Variants in NARF observed in about 807,000 individuals in gnomAD.
The protein encoded by NARF is nuclear prelamin A recognition factor.
A neutral mutation model predicts 48.0 loss-of-function variants in NARF; 41 were observed. That is an observed-to-expected ratio of 0.85 (90% CI 0.66 to 1.11). NARF has a LOEUF of 1.11. Ranked by LOEUF, NARF falls within the 50% of genes least tolerant of loss-of-function variation. The pLI is 0.00. For missense variants in NARF, 613 were observed against 590.2 expected (o/e 1.04, Z -0.40); for synonymous variants, 215 against 225.5 (o/e 0.95, Z 0.42).
At chr17:82,486,073 T>C (rs2044089071) in intron 10 of NARF, among the ~76,000 whole-genome samples, 1 of 152,018 alleles carries the variant, frequency 6.6e-6, no homozygotes, top group South Asian at 2.1e-4. Context: ...CGGGAAGGGG[T>C]GTGACCCAGC....
chr17:82,481,123 T>G lies in NARF; in HGVS notation c.681T>G (p.Pro227=), dbSNP rs1599848983. Residue 227 remains proline (P), a synonymous_variant, in exon 7 of 11, where the codon CCT becomes CCG. Transcript: ENST00000309794. ...AGATTTTCCACGTCATTGTGGCCCCTTGTTATGACAAGAAGCTGGAGGCTC... is the reference window on the plus strand; with the variant it reads ...AGATTTTCCACGTCATTGTGGCCCCGTGTTATGACAAGAAGCTGGAGGCTC... ...PEKIFHVIVA[P]CYDKKLEALQ... The G allele has an allele frequency of 6.2e-7, 1 of 1,614,078 alleles. No homozygotes were observed. The highest frequency in any genetic ancestry group is 8.5e-7 in the Non-Finnish European group (1 of 1,179,996).
chr17:82,466,910 C>T (rs531359302), intron 3 of NARF, among the ~76,000 whole-genome samples: 2 of 152,098 alleles, frequency 1.3e-5, no homozygotes, highest in South Asian at 4.2e-4. Flanking sequence ...CCAGGCTGGT[C>T]TTGAATTCCT....
At chr17:82,476,323 G>T (rs1599841505) in intron 5 of NARF, among the ~76,000 whole-genome samples, 1 of 151,946 alleles carries the variant, frequency 6.6e-6, no homozygotes, top group East Asian at 2.0e-4. Flanking sequence ...TGTATTTTTA[G>T]TAGAGACGGG....
Position 82,480,642 on chromosome 17 carries a change from G to A in NARF, c.640-440G>A, listed in dbSNP as rs1299598636. 7.1e-6 allele frequency: 3 copies of A among 424,736 alleles called. No individual in the cohort carries two copies. In the East Asian group the frequency reaches 1.0e-4, roughly 15 times the overall value. 26.3% of individuals were successfully genotyped at this position (424,736 alleles called of 1,614,324 possible). On this transcript the variant is annotated intron_variant, in intron 6 of 10. Transcript: ENST00000309794. ...ACAACAGTCCCAGCCCCAAGAAAGT[G>A]CTGCATGCAGCCAGGCTCGATGGCT...
chr17:82,480,750 G>T (rs188257182), intron 6 of NARF: 3 of 477,834 alleles, frequency 6.3e-6, no homozygotes, highest in African/African-American at 5.9e-5. Flanking sequence ...TGGGCAACAC[G>T]GTGAAACCCC....
intron 7 of NARF, 47 bp from the exon 8 acceptor site, chr17:82,483,669 C>T (rs2044025320): frequency 3.1e-6 from 5 of 1,590,260 alleles, no homozygotes; most frequent in Non-Finnish European, 4.3e-6. Flanking sequence ...AGAAAAGTTC[C>T]TGTGGCCACC....
At position 82,465,074 on chromosome 17, in the gene NARF, C is replaced by T. The variant is rs1054717364; in HGVS notation, c.252+644C>T. 3.3e-5 allele frequency among the ~76,000 whole-genome samples: 5 copies of T among 152,292 alleles called. No homozygotes were observed. In the East Asian group the frequency reaches 5.8e-4, roughly 18 times the overall value. ...ACATGGCTGGGGAGGCCTCAGGGAA[C>T]AACCATGGCGGAAGGGTGAAGGGGA... On this transcript the variant is annotated intron_variant, in intron 3 of 10. Transcript: ENST00000309794.
chr17:82,488,609 C>G lies in NARF; in HGVS notation c.*452C>G, dbSNP rs921263330. 1 of 162,140 alleles carries G rather than the reference C, an allele frequency of 6.2e-6. No individual in the cohort carries two copies. Among genetic ancestry groups the G allele is most frequent in the South Asian group, 1.6e-4 (1 of 6,276 alleles). 10.0% of individuals were successfully genotyped at this position (162,140 alleles called of 1,614,324 possible). A position where few individuals can be genotyped will look rare whatever the true frequency, so the allele number is the denominator to read the frequency against. On this transcript the variant is annotated 3_prime_UTR_variant, in exon 11 of 11. Transcript: ENST00000309794. The stretch of plus-strand genomic sequence containing the variant: ...AGGCTGGTATTGAATTCCTGACCTC[C>G]TGATCCACCCGCCTTGGCCTCCCAA...
intron 1 of NARF, 28 bp downstream of exon 1, chr17:82,458,858 C>A: frequency 7.2e-7 from 1 of 1,389,730 alleles, no homozygotes; most frequent in Non-Finnish European, 9.3e-7. Context: ...GGGAGGCGCG[C>A]GCCTGGTGCT....
intron 10 of NARF, 141 bp from the exon 11 acceptor site, chr17:82,487,772 ACCC>A: frequency 2.3e-6 from 1 of 428,172 alleles, no homozygotes; most frequent in Non-Finnish European, 4.4e-6. Context: ...ACATAGCAAC[ACCC>A]GCCCCTCCCG....
intron 3 of NARF, among the ~76,000 whole-genome samples, chr17:82,466,899 G>T (rs1045399173): frequency 6.6e-6 from 1 of 151,878 alleles, no homozygotes; most frequent in African/African-American, 2.4e-5. Context: ...CACCATGTTG[G>T]CCAGGCTGGT....
At chr17:82,481,786 T>G (rs1467149103) in intron 7 of NARF, 1 of 429,990 alleles carries the variant, frequency 2.3e-6, no homozygotes, top group Non-Finnish European at 4.6e-6. Flanking sequence ...GGCAGTGTGG[T>G]GGCCCTAACT....
intron 6 of NARF, chr17:82,479,219 C>T (rs924328191): frequency 4.9e-5 from 11 of 225,182 alleles, no homozygotes; most frequent in South Asian, 1.9e-4. Context: ...AATGAGGCCC[C>T]GGACCTTGCC....
chr17:82,465,467 A>G (rs1174602196), intron 3 of NARF, among the ~76,000 whole-genome samples: 2 of 152,188 alleles, frequency 1.3e-5, no homozygotes, highest in African/African-American at 4.8e-5. Context: ...GGGCCTCAAG[A>G]AACACTGACT....
At chr17:82,486,244 G>T (rs1599857492) in intron 10 of NARF, among the ~76,000 whole-genome samples, 1 of 152,296 alleles carries the variant, frequency 6.6e-6, no homozygotes, top group East Asian at 1.9e-4. Context: ...ACTTGCTGAG[G>T]GTGTGTCAGG....
In NARF at chr17:82,489,910, C is replaced by T. The variant is rs1345605556; in HGVS notation, c.*1753C>T. The T allele has an allele frequency of 6.6e-6, 1 of 152,244 alleles. No individual in the cohort carries two copies. The highest frequency in any genetic ancestry group is 1.5e-5 in the Non-Finnish European group (1 of 68,098). 9.4% of individuals were successfully genotyped at this position (152,244 alleles called of 1,614,324 possible). A position where few individuals can be genotyped will look rare whatever the true frequency, so the allele number is the denominator to read the frequency against. On this transcript the variant is annotated 3_prime_UTR_variant, in exon 11 of 11. Transcript: ENST00000309794. ...TGGCGTGATCTCGGCTCACAGCAAC[C>T]TCCGCCTCCTGGGTTCAAGCGATTC...
chr17:82,488,298 C>G lies in NARF; in HGVS notation c.*141C>G, dbSNP rs2044143873. 3.7e-5 allele frequency: 49 copies of G among 1,336,536 alleles called. No homozygotes were observed. The highest frequency in any genetic ancestry group is 4.7e-5 in the Non-Finnish European group (47 of 1,006,728). The allele number at this position is 1,336,536 out of a possible 1,614,324, so 82.8% of individuals were successfully genotyped here. A position where few individuals can be genotyped will look rare whatever the true frequency, so the allele number is the denominator to read the frequency against. On this transcript the variant is annotated 3_prime_UTR_variant, in exon 11 of 11. Coordinates refer to ENST00000309794, the MANE Select transcript of NARF (RefSeq NM_012336.4). ...TACTTTGGTTTCTCCGAGTTCCCTG[C>G]TACCCCGTTTATTGGAGGCCCCTCA...
chr17:82,468,642 C>T, intron 3 of NARF, 122 bp from the exon 4 acceptor site: 4 of 906,120 alleles, frequency 4.4e-6, no homozygotes, highest in Admixed American at 2.8e-5. Flanking sequence ...CAGTGTTTGT[C>T]TATTTTATTA....
At chr17:82,467,546 G>T (rs1374075315) in intron 3 of NARF, among the ~76,000 whole-genome samples, 1 of 151,980 alleles carries the variant, frequency 6.6e-6, no homozygotes, top group East Asian at 1.9e-4. Flanking sequence ...GGAGTGCAGT[G>T]GAGCAATCTC....
Sources: allele counts gnomAD v4.1 joint callset (sites outside exome capture counted in the v4.1 genomes callset), GRCh38; gene constraint gnomAD v4.1.1; transcripts MANE v1.5; gene names NCBI Gene and HGNC (gene_info 2026-07-23, HGNC 2026-07-21).